Variants in RBMS3 observed in about 807,000 individuals in gnomAD.
The protein encoded by RBMS3 is RNA binding motif single stranded interacting protein 3.
A neutral mutation model predicts 66.8 loss-of-function variants in RBMS3; 27 were observed. The ratio of observed to expected loss-of-function variants is 0.40; its 90% CI spans 0.30 to 0.56. The LOEUF (loss-of-function observed/expected upper bound fraction) is 0.56. Among genes scored for constraint, RBMS3 ranks in the 20% least tolerant of loss-of-function variants. The pLI is 0.40. For synonymous variants in RBMS3, 188 were observed against 183.0 expected, an observed-to-expected ratio of 1.03 and a Z score of -0.22; for missense variants, 513 against 549.5, an observed-to-expected ratio of 0.93 and a Z score of 0.66.
rs571002730 is a variant in RBMS3 at position 29,884,422 on chromosome 3, TTCTC to T, written c.791+259_791+262del. The stretch of plus-strand genomic sequence containing the variant: ...ATGCCTCTGCCCACATTAAACCCTG[TTCTC>T]TCTCTCTCTCTCTCTCTCTCTCTCT... On this transcript the variant is annotated intron_variant, in intron 8 of 14. Coordinates refer to ENST00000383767, the MANE Select transcript of RBMS3 (RefSeq NM_001003793.3). Among the ~76,000 whole-genome samples the T allele has an allele frequency of 9.1e-3, 382 of 41,844 alleles. 17 individuals carry two copies. Among genetic ancestry groups the T allele is most frequent in the African/African-American group, 0.029 (278 of 9,660 alleles). 27.5% of individuals were successfully genotyped at this position (41,844 alleles called of 152,430 possible). A position where few individuals can be genotyped will look rare whatever the true frequency, so the allele number is the denominator to read the frequency against.
At position 29,579,746 on chromosome 3, in the gene RBMS3, A is replaced by G. The variant is rs58326653; in HGVS notation, c.308-7368A>G. On this transcript the variant is annotated intron_variant, in intron 3 of 14. Transcript: ENST00000383767. ...TTGAACACTGCATGTTAGCAAAGCAAAGCTTTGCTAGATGGTTCCCAGAGG... is the reference window on the plus strand; with the variant it reads ...TTGAACACTGCATGTTAGCAAAGCAGAGCTTTGCTAGATGGTTCCCAGAGG... Among the ~76,000 whole-genome samples, 1,307 of 152,280 alleles carry G rather than the reference A, an allele frequency of 8.6e-3. 18 individuals carry two copies. The highest frequency in any genetic ancestry group is 0.03 in the African/African-American group (1,241 of 41,548).
rs2039648801 is a variant in RBMS3 at position 29,398,337 on chromosome 3, C to A, written c.76-36406C>A. The stretch of plus-strand genomic sequence containing the variant: ...TTACAGAACCTTTTTGACTAGGGAG[C>A]AGGATGGATACAATTTGTGTGAAGG... On this transcript the variant is annotated intron_variant, in intron 1 of 14. Transcript: ENST00000383767. 2.0e-5 allele frequency among the ~76,000 whole-genome samples: 3 copies of A among 152,094 alleles called. No homozygotes were observed. The South Asian group carries it at 6.2e-4, about 32-fold the overall frequency.
chr3:29,482,709 T>TTTTTTTTTTTTTG (rs2043179274), intron 2 of RBMS3, among the ~76,000 whole-genome samples: 1 of 104,194 alleles, frequency 9.6e-6, no homozygotes, highest in Non-Finnish European at 1.9e-5. Flanking sequence ...TTCTTTTTTT[T>TTTTTTTTTTTTTG]TTTTTTTTTT....
In RBMS3 at chr3:29,910,559, T is replaced by G. The variant is rs371085907; in HGVS notation, c.939+10804T>G. On this transcript the variant is annotated intron_variant, in intron 10 of 14. Transcript: ENST00000383767. ...TGCTCAGTATGTCATTGGGATACTT[T>G]ATTTTACTCTGAATTTTGACTTTGC... 1.9e-4 allele frequency among the ~76,000 whole-genome samples: 29 copies of G among 152,188 alleles called. No homozygotes were observed. In the East Asian group the frequency reaches 4.3e-3, roughly 22 times the overall value.
intron 14 of RBMS3, among the ~76,000 whole-genome samples, chr3:29,994,780 C>G (rs919753433): frequency 7.9e-5 from 12 of 152,184 alleles, no homozygotes; most frequent in African/African-American, 2.9e-4. Context: ...TGTACATCAC[C>G]ATCATCAAAG....
chr3:29,775,265 ATTT>A (rs10576860), intron 6 of RBMS3, among the ~76,000 whole-genome samples: 44 of 146,978 alleles, frequency 3.0e-4, no homozygotes, highest in East Asian at 2.0e-4. Context: ...TTTTTTATTT[ATTT>A]TTTTTTTTTG....
chr3:29,727,331 A>G (rs56848183), intron 4 of RBMS3, among the ~76,000 whole-genome samples: 9,107 of 152,234 alleles, frequency 0.06, 885 homozygotes, highest in African/African-American at 0.21. Context: ...CTAAAACACT[A>G]AAAGCAATTG....
intron 3 of RBMS3, among the ~76,000 whole-genome samples, chr3:29,544,185 T>G (rs2045865039): frequency 6.6e-6 from 1 of 152,136 alleles, no homozygotes; most frequent in Non-Finnish European, 1.5e-5. Flanking sequence ...GACAAAAGGT[T>G]AAAGATTATC....
At chr3:29,497,609 C>T (rs1452191203) in intron 3 of RBMS3, among the ~76,000 whole-genome samples, 3 of 152,182 alleles carry the variant, frequency 2.0e-5, no homozygotes, top group Non-Finnish European at 4.4e-5. Context: ...CAAGACTCTA[C>T]TCATCCTATC....
chr3:29,595,351 A>T (rs1404034737), intron 4 of RBMS3, among the ~76,000 whole-genome samples: 6 of 150,596 alleles, frequency 4.0e-5, no homozygotes, highest in African/African-American at 1.2e-4. Flanking sequence ...GTGAACCAAG[A>T]TCGCACCATT....
intron 10 of RBMS3, 102 bp downstream of exon 10, chr3:29,899,857 A>T: frequency 8.7e-7 from 1 of 1,146,006 alleles, no homozygotes. Flanking sequence ...ATAATATGTA[A>T]CTCGTTCAGG....
In RBMS3 at chr3:29,610,563, G is replaced by A. The variant is rs575390050; in HGVS notation, c.399+23358G>A. On this transcript the variant is annotated intron_variant, in intron 4 of 14. Coordinates refer to ENST00000383767, the MANE Select transcript of RBMS3 (RefSeq NM_001003793.3). The stretch of plus-strand genomic sequence containing the variant: ...TAATTAGCCTGTCAAAGGCCTTAAA[G>A]CATTTTTGCATTGACTCTTTCCTTC... 8.5e-5 allele frequency among the ~76,000 whole-genome samples: 13 copies of A among 152,122 alleles called. No individual in the cohort carries two copies. In the East Asian group the frequency reaches 2.5e-3, roughly 29 times the overall value.
chr3:29,920,874 C>T (rs530238926), intron 10 of RBMS3, among the ~76,000 whole-genome samples: 36 of 146,146 alleles, frequency 2.5e-4, no homozygotes, highest in Non-Finnish European at 3.9e-4. Context: ...AAAAAAAAAC[C>T]TCAGATATGA....
At chr3:29,760,753 G>T (rs909003714) in intron 5 of RBMS3, among the ~76,000 whole-genome samples, 3 of 151,960 alleles carry the variant, frequency 2.0e-5, no homozygotes, top group Non-Finnish European at 4.4e-5. Context: ...GTACTTAGCT[G>T]TTCCTAAATA....
At chr3:29,647,478 AATGTT>A (rs2049966278) in intron 4 of RBMS3, among the ~76,000 whole-genome samples, 1 of 152,228 alleles carries the variant, frequency 6.6e-6, no homozygotes, top group African/African-American at 2.4e-5. Flanking sequence ...CAGATGCCTA[AATGTT>A]CCATTGTCAT....
At chr3:29,677,655 C>G (rs1399886164) in intron 4 of RBMS3, among the ~76,000 whole-genome samples, 1 of 152,112 alleles carries the variant, frequency 6.6e-6, no homozygotes, top group African/African-American at 2.4e-5. Context: ...TGGCATTTTT[C>G]CAGTTTTACT....
chr3:29,832,304 C>G (rs1288611502), intron 6 of RBMS3, among the ~76,000 whole-genome samples: 1 of 152,030 alleles, frequency 6.6e-6, no homozygotes, highest in Non-Finnish European at 1.5e-5. Context: ...GATGTCTAGG[C>G]AATAAATCTA....
intron 12 of RBMS3, among the ~76,000 whole-genome samples, chr3:29,946,959 A>G (rs1449387483): frequency 6.6e-6 from 1 of 151,632 alleles, no homozygotes; most frequent in Non-Finnish European, 1.5e-5. Context: ...AGTGAGGAAA[A>G]GGATAGTGTG....
chr3:29,763,114 A>G, intron 6 of RBMS3, 125 bp downstream of exon 6: 3 of 610,046 alleles, frequency 4.9e-6, no homozygotes, highest in East Asian at 3.0e-5. Flanking sequence ...CTTAATGTGT[A>G]TTTTCAAATA....
Sources: allele counts gnomAD v4.1 joint callset (sites outside exome capture counted in the v4.1 genomes callset), GRCh38; gene constraint gnomAD v4.1.1; transcripts MANE v1.5; gene names NCBI Gene and HGNC (gene_info 2026-07-23, HGNC 2026-07-21).